Variants in WDR1 observed in about 807,000 individuals in gnomAD.
WDR1 encodes WD repeat-containing protein 1.
Under a neutral mutation model 71.9 loss-of-function variants are expected in WDR1, and 21 were observed. That is an observed-to-expected ratio of 0.29 (90% confidence interval 0.21 to 0.42). The LOEUF (loss-of-function observed/expected upper bound fraction) is 0.42, where lower values mean the gene tolerates loss of function less well. Ranked by LOEUF, WDR1 falls within the 10% of genes least tolerant of loss-of-function variation. WDR1 has a pLI of 1.00. For missense variants in WDR1, 696 were observed against 824.5 expected (o/e 0.84, Z 1.91); for synonymous variants, 424 against 347.4 (o/e 1.22, Z -2.45).
chr4:10,091,788 C>T (rs1560536087), intron 5 of WDR1: 1 of 152,326 alleles, frequency 6.6e-6, no homozygotes, highest in Non-Finnish European at 1.5e-5. Context: ...GGCCCACGGT[C>T]CCTTGTCCAT....
In WDR1 at chr4:10,085,710, T is replaced by G. The variant is rs552315574; in HGVS notation, c.952-1180A>C. 3.9e-5 allele frequency among the ~76,000 whole-genome samples: 6 copies of G among 152,328 alleles called. No individual in the cohort carries two copies. The South Asian group carries it at 1.2e-3, about 32-fold the overall frequency. ...TGCAAGCTCCTGCTGCCCTGAGACT[T>G]CCCTGTAAACTTAGTGCCTCTGGGG... On this transcript the variant is annotated intron_variant, in intron 8 of 14. Coordinates refer to ENST00000499869, the MANE Select transcript of WDR1 (RefSeq NM_017491.5).
chr4:10,108,893 C>A (rs1713186589), intron 2 of WDR1, among the ~76,000 whole-genome samples: 1 of 152,226 alleles, frequency 6.6e-6, no homozygotes, highest in South Asian at 2.1e-4. Context: ...TCACTACTTT[C>A]CACCTTGGAC....
intron 12 of WDR1, 127 bp downstream of exon 12, chr4:10,078,764 C>A (rs1764893804): frequency 4.0e-6 from 3 of 755,890 alleles, no homozygotes; most frequent in Non-Finnish European, 6.3e-6. Context: ...CACGCCCCGA[C>A]TGCCCCCATC....
At chr4:10,089,994 G>A (rs1203036836) in intron 5 of WDR1, among the ~76,000 whole-genome samples, 1 of 152,188 alleles carries the variant, frequency 6.6e-6, no homozygotes, top group African/African-American at 2.4e-5. Context: ...AGGACTTGGT[G>A]TCCTTTTAAG....
Position 10,074,716 on chromosome 4 carries a change from T to A in WDR1, c.*662A>T, listed in dbSNP as rs1578410191. 6.6e-6 allele frequency: 1 copy of A among 152,530 alleles called. No homozygotes were observed. The highest frequency in any genetic ancestry group is 1.9e-4 in the East Asian group (1 of 5,174). The allele number at this position is 152,530 out of a possible 1,614,324, so 9.4% of individuals were successfully genotyped here. A position where few individuals can be genotyped will look rare whatever the true frequency, so the allele number is the denominator to read the frequency against. On this transcript the variant is annotated 3_prime_UTR_variant, in exon 15 of 15. Coordinates refer to ENST00000499869, the MANE Select transcript of WDR1 (RefSeq NM_017491.5). ...ACGGTGCCGTCAACGCACTAGTTTG[T>A]AAACACTGACAGGCAACAGTTAAGA...
chr4:10,077,129 C>A, intron 14 of WDR1, 175 bp downstream of exon 14: 1 of 941,780 alleles, frequency 1.1e-6, no homozygotes, highest in Non-Finnish European at 1.5e-6. Context: ...GTACGGCCAG[C>A]AGCGCAGCTG....
rs1764840945 is a variant in WDR1 at position 10,077,465 on chromosome 4, A to AAC, written c.1570-19_1570-18dup. ...ATTGTTCTCCTAGTTGCAGGTTGAAAACAAGAGAGGTGGCAGGTCAGGTTC... is the reference window on the plus strand; with the variant it reads ...ATTGTTCTCCTAGTTGCAGGTTGAAAACACAAGAGAGGTGGCAGGTCAGGTTC... On this transcript the variant is annotated splice_polypyrimidine_tract_variant and intron_variant, in intron 13 of 14. Transcript: ENST00000499869. 1 of 1,613,804 alleles carries AAC rather than the reference A, an allele frequency of 6.2e-7. No homozygotes were observed. The highest frequency in any genetic ancestry group is 1.1e-5 in the South Asian group (1 of 91,076).
chr4:10,078,826 C>T (rs1308131967), intron 12 of WDR1, 65 bp downstream of exon 12: 2 of 1,412,508 alleles, frequency 1.4e-6, no homozygotes, highest in Non-Finnish European at 2.0e-6. Context: ...TCACACAGCT[C>T]ACACTGTCCC....
intron 2 of WDR1, among the ~76,000 whole-genome samples, chr4:10,113,865 G>C (rs1577082265): frequency 6.6e-6 from 1 of 152,228 alleles, no homozygotes; most frequent in Non-Finnish European, 1.5e-5. Flanking sequence ...CCCTTTTAGG[G>C]GAAGAGCACG....
Position 10,080,558 on chromosome 4 carries a change from G to A in WDR1, c.1284+799C>T, listed in dbSNP as rs536827501. Reference sequence around the variant, plus strand: ...GCAATTAAGTTCACAAGGCAAAGGAGGGCCAGAGGGTGCTGAAAGCAGCTT... The same window carrying A: ...GCAATTAAGTTCACAAGGCAAAGGAAGGCCAGAGGGTGCTGAAAGCAGCTT... On this transcript the variant is annotated intron_variant, in intron 11 of 14. Coordinates refer to ENST00000499869, the MANE Select transcript of WDR1 (RefSeq NM_017491.5). Among the ~76,000 whole-genome samples, 4 of 152,382 alleles carry A rather than the reference G, an allele frequency of 2.6e-5. No individual in the cohort carries two copies. The South Asian group carries it at 6.2e-4, about 24-fold the overall frequency.
chr4:10,083,517 G>A (rs1765094984), intron 9 of WDR1: 1 of 482,514 alleles, frequency 2.1e-6, no homozygotes, highest in African/African-American at 2.0e-5. Context: ...TTATGTTTTG[G>A]GGGCAGAGGG....
rs761987567 is a variant in WDR1, at chr4:10,087,691, C to G, written c.951+16G>C. 1 of 1,566,596 alleles carries G rather than the reference C, an allele frequency of 6.4e-7. No homozygotes were observed. Among genetic ancestry groups the G allele is most frequent in the Non-Finnish European group, 8.7e-7 (1 of 1,154,660 alleles). ...GTCCACCCAGCGGGCAGAGCCTTCC[C>G]CAGGGCAGGCCTTACCTTGATGACG... is the stretch of plus-strand genomic sequence containing the variant. On this transcript the variant is annotated intron_variant, in intron 8 of 14. Coordinates refer to ENST00000499869, the MANE Select transcript of WDR1 (RefSeq NM_017491.5).
At chr4:10,080,406 C>T (rs999922287) in intron 11 of WDR1, among the ~76,000 whole-genome samples, 8 of 152,248 alleles carry the variant, frequency 5.3e-5, no homozygotes, top group Admixed American at 3.3e-4. Context: ...CCCCAGGCCC[C>T]GAGGCGCTCC....
At chr4:10,112,410 C>T (rs768548489) in intron 2 of WDR1, among the ~76,000 whole-genome samples, 8 of 152,190 alleles carry the variant, frequency 5.3e-5, no homozygotes, top group Non-Finnish European at 8.8e-5. Context: ...CTTCTTGGAG[C>T]TCTCTCCTTC....
intron 2 of WDR1, among the ~76,000 whole-genome samples, chr4:10,111,121 G>A (rs1004958298): frequency 3.9e-5 from 6 of 152,184 alleles, no homozygotes; most frequent in African/African-American, 9.7e-5. Flanking sequence ...TCTCCTTACC[G>A]TAGGCTGGAT....
chr4:10,096,797 G>GAGA (rs58022492), intron 5 of WDR1, among the ~76,000 whole-genome samples: 96,706 of 151,828 alleles, frequency 0.64, 31,952 homozygotes, highest in Middle Eastern at 0.75. Flanking sequence ...ACGGTTCCAA[G>GAGA]AGGAGTCCCG....
At chr4:10,086,647 C>G (rs1264496489) in intron 8 of WDR1, among the ~76,000 whole-genome samples, 1 of 152,186 alleles carries the variant, frequency 6.6e-6, no homozygotes, top group Admixed American at 6.5e-5. Flanking sequence ...GGGTTCAGAC[C>G]CTCTGCAGAG....
intron 3 of WDR1, among the ~76,000 whole-genome samples, chr4:10,100,199 C>G (rs1578438872): frequency 1.3e-5 from 2 of 152,238 alleles, no homozygotes; most frequent in African/African-American, 4.8e-5. Flanking sequence ...CTTGCTGCAA[C>G]TGAGCAGCTC....
rs904508193 is a variant in WDR1 at position 10,088,358 on chromosome 4, C to A, written c.652G>T (p.Gly218Trp). 6.4e-7 allele frequency: 1 copy of A among 1,558,122 alleles called. No homozygotes were observed. The highest frequency in any genetic ancestry group is 2.4e-5 in the East Asian group (1 of 41,390). The change falls in exon 7 of 15, where the codon GGG (glycine) becomes TGG (tryptophan). Residue 218 changes from glycine (G) to tryptophan (W), a missense_variant. Transcript: ENST00000499869. ...SADGQIYIYD[G>W]KTGEKVCALG... The stretch of plus-strand genomic sequence containing the variant: ...GCGCACACCTTCTCCCCAGTCTTCC[C>A]GTCATAGATGTATATCTTCCAAGAA...
Sources: allele counts gnomAD v4.1 joint callset (sites outside exome capture counted in the v4.1 genomes callset), GRCh38; gene constraint gnomAD v4.1.1; transcripts MANE v1.5; gene names NCBI Gene and HGNC (gene_info 2026-07-23, HGNC 2026-07-21).